The following LAMC1 variants were observed in gnomAD, a reference collection of about 807,000 sequenced individuals.
LAMC1 encodes the protein laminin subunit gamma-1.
In LAMC1, 38 loss-of-function variants were observed where a neutral mutation model predicts 173.6. The ratio of observed to expected loss-of-function variants is 0.22; its 90% CI spans 0.17 to 0.29. LAMC1 has a LOEUF of 0.29. LAMC1 is among the 10% of genes least tolerant of loss of function. The pLI, the probability that LAMC1 is intolerant of heterozygous loss-of-function variation, is 1.00. For missense variants in LAMC1, 1,824 were observed against 2,051.8 expected, an observed-to-expected ratio of 0.89 and a Z score of 2.14; for synonymous variants, 746 against 749.1, an observed-to-expected ratio of 1.00 and a Z score of 0.07.
At chr1:183,042,483 G>A (rs1471631259) in intron 1 of LAMC1, among the ~76,000 whole-genome samples, 1 of 152,170 alleles carries the variant, frequency 6.6e-6, no homozygotes, top group Non-Finnish European at 1.5e-5. Flanking sequence ...CTATTACAGT[G>A]ATGGATGGGT....
intron 1 of LAMC1, among the ~76,000 whole-genome samples, chr1:183,091,645 G>GT (rs1655569983): frequency 1.3e-5 from 2 of 152,146 alleles, no homozygotes; most frequent in South Asian, 4.2e-4. Flanking sequence ...CCAACAGAAT[G>GT]TAACACCCTC....
intron 1 of LAMC1, among the ~76,000 whole-genome samples, chr1:183,053,515 A>T (rs1350522824): frequency 6.6e-6 from 1 of 152,098 alleles, no homozygotes; most frequent in Non-Finnish European, 1.5e-5. Context: ...GAGTCTCATC[A>T]GCTCTCCTGA....
chr1:183,098,394 T>G (rs1287053053), intron 1 of LAMC1, among the ~76,000 whole-genome samples: 1 of 152,250 alleles, frequency 6.6e-6, no homozygotes, highest in Non-Finnish European at 1.5e-5. Context: ...TTATCCAGAC[T>G]GGATTCCAAA....
intron 1 of LAMC1, among the ~76,000 whole-genome samples, chr1:183,075,227 CAT>C (rs1655096070): frequency 6.6e-6 from 1 of 151,148 alleles, no homozygotes; most frequent in Non-Finnish European, 1.5e-5. Flanking sequence ...TCCAGGCTCA[CAT>C]GATTCTCCCA....
At chr1:183,112,283 T>C (rs1395244907) in intron 4 of LAMC1, among the ~76,000 whole-genome samples, 1 of 152,210 alleles carries the variant, frequency 6.6e-6, no homozygotes, top group African/African-American at 2.4e-5. Context: ...TAAAGGCTGG[T>C]ACAAGAATGA....
intron 1 of LAMC1, among the ~76,000 whole-genome samples, chr1:183,100,305 T>A (rs1655801934): frequency 2.6e-5 from 4 of 152,180 alleles, no homozygotes; most frequent in Admixed American, 2.6e-4. Flanking sequence ...ACACTGATCT[T>A]TCTAAAAAAT....
intron 1 of LAMC1, among the ~76,000 whole-genome samples, chr1:183,035,249 C>T (rs146112080): frequency 1.6e-3 from 248 of 152,296 alleles, no homozygotes; most frequent in African/African-American, 5.8e-3. Flanking sequence ...GGTGCAGTGG[C>T]ACGATCCTAT....
intron 1 of LAMC1, among the ~76,000 whole-genome samples, chr1:183,094,134 A>T (rs1233909268): frequency 2.0e-5 from 3 of 151,584 alleles, no homozygotes; most frequent in South Asian, 4.2e-4. Context: ...TTTCCACCTT[A>T]CTCACTGCTG....
chr1:183,128,724 T>C lies in LAMC1; in HGVS notation c.3254T>C (p.Leu1085Pro), dbSNP rs1656695403. 1 of 1,613,278 alleles carries C rather than the reference T, an allele frequency of 6.2e-7. No individual in the cohort carries two copies. Among genetic ancestry groups the C allele is most frequent in the South Asian group, 1.1e-5 (1 of 90,974 alleles). The change falls in exon 18 of 28, where the codon CTC becomes CCC. Residue 1085 changes from leucine (L) to proline (P), a missense_variant. Coordinates refer to ENST00000258341, the MANE Select transcript of LAMC1 (RefSeq NM_002293.4). ...GAAGCAGAGAGGGAAGTTATGGACC[T>C]CCTTCGTGAGGCCCAGGATGTCAAA... ...LKEAEREVMD[L>P]LREAQDVKDV... is the part of the protein sequence containing the mutation.
intron 4 of LAMC1, among the ~76,000 whole-genome samples, chr1:183,114,066 T>C (rs1025291814): frequency 6.6e-6 from 1 of 152,048 alleles, no homozygotes; most frequent in African/African-American, 2.4e-5. Flanking sequence ...TTGGTGGTGG[T>C]TTTTTGTTTG....
At chr1:183,045,035 G>T (rs1654231855) in intron 1 of LAMC1, among the ~76,000 whole-genome samples, 1 of 151,428 alleles carries the variant, frequency 6.6e-6, no homozygotes, top group Non-Finnish European at 1.5e-5. Context: ...TGAACCCAGG[G>T]ATTATTTCTC....
intron 1 of LAMC1, among the ~76,000 whole-genome samples, chr1:183,078,874 G>A (rs1440548735): frequency 3.3e-5 from 5 of 152,082 alleles, no homozygotes; most frequent in African/African-American, 9.7e-5. Context: ...TTAGCTGGGC[G>A]TGGTGGTGCA....
chr1:183,139,768 G>A (rs1657054264), intron 26 of LAMC1, among the ~76,000 whole-genome samples: 1 of 152,112 alleles, frequency 6.6e-6, no homozygotes, highest in Non-Finnish European at 1.5e-5. Flanking sequence ...CTCATGCACA[G>A]TTATTTGTTC....
intron 23 of LAMC1, 116 bp downstream of exon 23, chr1:183,134,925 C>T (rs1656895498): frequency 7.4e-7 from 1 of 1,345,034 alleles, no homozygotes; most frequent in African/African-American, 1.4e-5. Flanking sequence ...AGAGAGCAGC[C>T]TAACAGATTT....
intron 26 of LAMC1, among the ~76,000 whole-genome samples, chr1:183,139,848 A>G (rs539743073): frequency 2.6e-5 from 4 of 152,296 alleles, no homozygotes; most frequent in South Asian, 2.1e-4. Flanking sequence ...TATTGCCCCA[A>G]TAAATGAGTA....
chr1:183,034,393 C>G (rs984384054), intron 1 of LAMC1, among the ~76,000 whole-genome samples: 1 of 152,182 alleles, frequency 6.6e-6, no homozygotes, highest in Admixed American at 6.5e-5. Flanking sequence ...GCCTCAGCCT[C>G]CTGAGTAGCT....
At chr1:183,091,280 C>G (rs191854862) in intron 1 of LAMC1, among the ~76,000 whole-genome samples, 5 of 152,262 alleles carry the variant, frequency 3.3e-5, no homozygotes, top group South Asian at 4.1e-4. Flanking sequence ...CTGTGAGAGG[C>G]CACTAAGTTA....
intron 4 of LAMC1, among the ~76,000 whole-genome samples, chr1:183,112,600 G>A (rs1656192128): frequency 6.6e-6 from 1 of 152,086 alleles, no homozygotes; most frequent in African/African-American, 2.4e-5. Context: ...CTTCTCTCAA[G>A]GAGGGAGCCA....
At position 183,028,640 on chromosome 1, in the gene LAMC1, CG is replaced by C. The variant is rs1653757482; in HGVS notation, c.418+4507del. On this transcript the variant is annotated intron_variant, in intron 1 of 27. Transcript: ENST00000258341. ...CTTGCAGCTTCTCTAACGAGTCTCT[CG>C]AAAGAAAGTCTACTTTATTCTAAGC... Among the ~76,000 whole-genome samples, 4 of 152,170 alleles carry C rather than the reference CG, an allele frequency of 2.6e-5. No homozygotes were observed. In the South Asian group the frequency reaches 8.3e-4, roughly 32 times the overall value.
Sources: gnomAD v4.1 joint callset for allele counts (sites outside exome capture counted in the v4.1 genomes callset) on GRCh38, gnomAD v4.1.1 for gene constraint, MANE v1.5 for transcripts, NCBI Gene and HGNC (gene_info 2026-07-23, HGNC 2026-07-21) for gene names.